Variants in CHM observed in about 807,000 individuals in gnomAD.
The protein encoded by CHM is rab proteins geranylgeranyltransferase component A 1.
Under a neutral mutation model 49.0 loss-of-function variants are expected in CHM, and 10 were observed. The observed-to-expected ratio is 0.20, with a 90% CI of 0.13 to 0.35. CHM has a LOEUF of 0.35. CHM is among the 10% of genes least tolerant of loss of function. The pLI, the probability that CHM is intolerant of heterozygous loss-of-function variation, is 1.00. For missense variants in CHM, 455 were observed against 478.4 expected (o/e 0.95, Z 0.46); for synonymous variants, 184 against 167.5 (o/e 1.10, Z -0.76).
chrX:85,991,652 T>G (rs1212335949), intron 2 of CHM, among the ~76,000 whole-genome samples: 1 of 111,949 alleles, frequency 8.9e-6, no homozygotes, highest in Non-Finnish European at 1.9e-5. Context: ...GTTTATATGA[T>G]GGCTTCTCAG....
rs765755115 is a variant in CHM at position 85,945,053 on chromosome X, T to C, written c.1166+11100A>G. On this transcript the variant is annotated intron_variant, in intron 8 of 14. Coordinates refer to ENST00000357749, the MANE Select transcript of CHM (RefSeq NM_000390.4). ...GAAGAGAAAACCAAATGCCACATGT[T>C]CTCACTTATAAGTGGGAGCTAAATG... Among the ~76,000 whole-genome samples the C allele has an allele frequency of 4.5e-5, 5 of 111,400 alleles. No homozygotes were observed. The South Asian group carries it at 1.9e-3, about 43-fold the overall frequency.
chrX:85,910,447 T>TA (rs1926861989), intron 9 of CHM, among the ~76,000 whole-genome samples: 1 of 111,760 alleles, frequency 8.9e-6, no homozygotes, highest in African/African-American at 3.2e-5. Context: ...GCAATTTAGA[T>TA]AGTTTCTAAA....
chrX:86,006,897 T>C (rs1366476154), intron 2 of CHM, among the ~76,000 whole-genome samples: 1 of 111,704 alleles, frequency 9.0e-6, no homozygotes, highest in Non-Finnish European at 1.9e-5. Flanking sequence ...TTCACAGAAT[T>C]GGAAAAAAGT....
intron 9 of CHM, among the ~76,000 whole-genome samples, 187 bp from the exon 10 acceptor site, chrX:85,901,375 T>A (rs1926279228): frequency 9.0e-6 from 1 of 111,731 alleles, no homozygotes; most frequent in African/African-American, 3.2e-5. Context: ...TTCTTGTTGC[T>A]ATTTTGAGGG....
chrX:86,043,643 T>C (rs2147814137), intron 1 of CHM, among the ~76,000 whole-genome samples: 1 of 110,922 alleles, frequency 9.0e-6, no homozygotes, highest in African/African-American at 3.3e-5. Context: ...AGGCTGAGGT[T>C]TCAAACTCCT....
chrX:85,909,647 T>C (rs1926813390), intron 9 of CHM, among the ~76,000 whole-genome samples: 1 of 111,805 alleles, frequency 8.9e-6, no homozygotes, highest in African/African-American at 3.2e-5. Flanking sequence ...GCTCCTCTGT[T>C]TAGAGCATGT....
chrX:86,018,802 G>A (rs994221694), intron 2 of CHM, among the ~76,000 whole-genome samples: 1 of 112,013 alleles, frequency 8.9e-6, no homozygotes, highest in African/African-American at 3.2e-5. Flanking sequence ...TTTACAAACT[G>A]TACAGTTCTA....
intron 8 of CHM, among the ~76,000 whole-genome samples, chrX:85,950,364 TA>T (rs55814621): frequency 1.9e-5 from 2 of 107,575 alleles, no homozygotes; most frequent in African/African-American, 3.4e-5. Context: ...AATGAACAAG[TA>T]AAAAAAATCA....
At position 85,900,669 on chromosome X, in the gene CHM, G is replaced by A. The variant is rs1926204913; in HGVS notation, c.1390C>T (p.Leu464=). The A allele has an allele frequency of 8.5e-7, 1 of 1,181,837 alleles. No individual in the cohort carries two copies. The highest frequency in any genetic ancestry group is 1.8e-5 in the African/African-American group (1 of 56,552). ...RAVLITDRSV[L]KTDSDQQISI... ...ACCTGTTGATCTGAATCTGTTTTTA[G>A]GACAGATCTATCTGTAATCAGCACT... Residue 464 remains leucine, a synonymous_variant, in exon 11 of 15, where the codon CTA becomes TTA. Coordinates refer to ENST00000357749, the MANE Select transcript of CHM (RefSeq NM_000390.4).
chrX:85,979,316 G>A (rs895805327), intron 3 of CHM, among the ~76,000 whole-genome samples: 1 of 110,447 alleles, frequency 9.1e-6, no homozygotes, highest in Non-Finnish European at 1.9e-5. Flanking sequence ...AAATAACTTC[G>A]TTCTATTTAT....
chrX:86,016,077 G>A (rs1933287049), intron 2 of CHM, among the ~76,000 whole-genome samples: 1 of 110,717 alleles, frequency 9.0e-6, no homozygotes, highest in African/African-American at 3.3e-5. Flanking sequence ...AGTTTGCAGT[G>A]AGCCGAGATC....
At chrX:85,915,747 G>A (rs897816528) in intron 8 of CHM, among the ~76,000 whole-genome samples, 11 of 111,808 alleles carry the variant, frequency 9.8e-5, no homozygotes, top group African/African-American at 3.6e-4. Flanking sequence ...CTAAGGAGGT[G>A]AAAGATCTCT....
At chrX:85,968,524 A>G (rs1449774740) in intron 4 of CHM, among the ~76,000 whole-genome samples, 1 of 111,931 alleles carries the variant, frequency 8.9e-6, no homozygotes, top group African/African-American at 3.3e-5. Context: ...ATCAAAACCA[A>G]TTATGATAAT....
At chrX:85,911,835 G>A (rs1384853800) in intron 8 of CHM, among the ~76,000 whole-genome samples, 1 of 111,620 alleles carries the variant, frequency 9.0e-6, no homozygotes, top group African/African-American at 3.3e-5. Flanking sequence ...CAGTAAACAT[G>A]AGTAAATGCA....
intron 1 of CHM, among the ~76,000 whole-genome samples, chrX:86,035,363 A>G (rs1178867561): frequency 8.9e-6 from 1 of 112,242 alleles, no homozygotes; most frequent in African/African-American, 3.2e-5. Context: ...TTATGGTATT[A>G]TGTGCTAAAA....
chrX:86,020,287 C>T (rs1378103994), intron 2 of CHM, among the ~76,000 whole-genome samples: 3 of 111,093 alleles, frequency 2.7e-5, no homozygotes, highest in African/African-American at 9.8e-5. Context: ...TAATTAGTCA[C>T]GCCTTTAATC....
At chrX:85,991,332 C>T (rs971196038) in intron 2 of CHM, among the ~76,000 whole-genome samples, 4 of 111,542 alleles carry the variant, frequency 3.6e-5, no homozygotes, top group Non-Finnish European at 7.5e-5. Flanking sequence ...TTACAATTTG[C>T]AGAACTGCAA....
At chrX:85,900,921 T>C (rs762483396) in intron 10 of CHM, among the ~76,000 whole-genome samples, 163 bp downstream of exon 10, 12 of 111,345 alleles carry the variant, frequency 1.1e-4, no homozygotes, top group Admixed American at 8.6e-4. Flanking sequence ...AGCAAAGGAG[T>C]TGAAATTATG....
intron 2 of CHM, among the ~76,000 whole-genome samples, chrX:86,000,759 A>G (rs183423376): frequency 9.0e-6 from 1 of 111,142 alleles, no homozygotes; most frequent in Non-Finnish European, 1.9e-5. Flanking sequence ...AAAGACAAAT[A>G]TCTCATGTTC....
Sources: gnomAD v4.1 joint callset for allele counts (sites outside exome capture counted in the v4.1 genomes callset) on GRCh38, gnomAD v4.1.1 for gene constraint, MANE v1.5 for transcripts, NCBI Gene and HGNC (gene_info 2026-07-23, HGNC 2026-07-21) for gene names.